Variants in SRRM3 observed in about 807,000 individuals in gnomAD.
SRRM3 encodes serine/arginine repetitive matrix protein 3.
Under a neutral mutation model 66.2 loss-of-function variants are expected in SRRM3, and 27 were observed. The observed-to-expected ratio is 0.41, with a 90% CI of 0.30 to 0.56. The LOEUF (loss-of-function observed/expected upper bound fraction) is 0.56. Ranked by LOEUF, SRRM3 falls within the 20% of genes least tolerant of loss-of-function variation. The pLI, the probability that SRRM3 is intolerant of heterozygous loss-of-function variation, is 0.32. For missense variants in SRRM3, 918 were observed against 991.9 expected, an observed-to-expected ratio of 0.93 and a Z score of 1.00; for synonymous variants, 391 against 414.9, an observed-to-expected ratio of 0.94 and a Z score of 0.70.
At chr7:76,251,995 C>T (rs1440506899) in intron 3 of SRRM3, among the ~76,000 whole-genome samples, 2 of 152,076 alleles carry the variant, frequency 1.3e-5, no homozygotes, top group African/African-American at 4.8e-5. Flanking sequence ...TTCTTGAACC[C>T]AGGAGGTGGA....
chr7:76,251,376 CTT>C (rs782717745), intron 3 of SRRM3, among the ~76,000 whole-genome samples: 19 of 142,354 alleles, frequency 1.3e-4, no homozygotes, highest in Non-Finnish European at 1.4e-4. Flanking sequence ...CCCAGCAGCA[CTT>C]TTTTTTTTTT....
chr7:76,283,883 C>A, intron 14 of SRRM3: 1 of 974,626 alleles, frequency 1.0e-6, no homozygotes, highest in Non-Finnish European at 1.2e-6. Context: ...CCCTAGATTA[C>A]CCTGGCAGGG....
At chr7:76,270,547 C>G (rs1802182319) in intron 11 of SRRM3, among the ~76,000 whole-genome samples, 1 of 152,020 alleles carries the variant, frequency 6.6e-6, no homozygotes, top group Admixed American at 6.6e-5. Flanking sequence ...CATGGTGGCT[C>G]ACACCTGTAA....
At chr7:76,275,758 T>A (rs547799150) in intron 11 of SRRM3, among the ~76,000 whole-genome samples, 1 of 152,122 alleles carries the variant, frequency 6.6e-6, no homozygotes, top group South Asian at 2.1e-4. Context: ...TTCCACCATC[T>A]TTTCCACTTG....
intron 8 of SRRM3, among the ~76,000 whole-genome samples, chr7:76,262,871 G>C (rs1801917610): frequency 6.6e-6 from 1 of 152,020 alleles, no homozygotes; most frequent in Non-Finnish European, 1.5e-5. Flanking sequence ...GAAGGGAAAA[G>C]GGAAAGGAGA....
intron 1 of SRRM3, among the ~76,000 whole-genome samples, chr7:76,225,188 G>C (rs979001499): frequency 5.3e-5 from 8 of 152,188 alleles, no homozygotes; most frequent in Non-Finnish European, 1.2e-4. Context: ...AAGTAGTGGA[G>C]CCAGAATTTA....
At chr7:76,264,980 C>T (rs542752571) in intron 9 of SRRM3, among the ~76,000 whole-genome samples, 165 bp downstream of exon 9, 2 of 152,082 alleles carry the variant, frequency 1.3e-5, no homozygotes, top group African/African-American at 4.8e-5. Flanking sequence ...TGAGTCAGAG[C>T]TTGAACCAAA....
chr7:76,228,295 T>G (rs1554603915), intron 1 of SRRM3, among the ~76,000 whole-genome samples: 1 of 152,178 alleles, frequency 6.6e-6, no homozygotes, highest in Non-Finnish European at 1.5e-5. Flanking sequence ...TGGGGCTCTG[T>G]TTTGCAGATT....
At chr7:76,253,349 C>T (rs1360897526) in intron 3 of SRRM3, among the ~76,000 whole-genome samples, 2 of 151,782 alleles carry the variant, frequency 1.3e-5, no homozygotes, top group African/African-American at 2.4e-5. Context: ...AGGCTGGGCA[C>T]GGTGGCTCAA....
chr7:76,235,658 G>A (rs1183173996), intron 2 of SRRM3, among the ~76,000 whole-genome samples: 1 of 151,840 alleles, frequency 6.6e-6, no homozygotes, highest in Non-Finnish European at 1.5e-5. Context: ...TTGAGGTCAG[G>A]AATTCGAGAT....
intron 10 of SRRM3, among the ~76,000 whole-genome samples, chr7:76,266,604 TTTAA>T (rs1425595489): frequency 2.4e-5 from 3 of 126,648 alleles, no homozygotes; most frequent in Non-Finnish European, 4.7e-5. Context: ...TATATTTATA[TTTAA>T]TTATGTTATA....
intron 11 of SRRM3, among the ~76,000 whole-genome samples, chr7:76,277,078 A>G (rs1384397464): frequency 1.3e-5 from 2 of 152,172 alleles, no homozygotes; most frequent in Non-Finnish European, 2.9e-5. Flanking sequence ...AGTGACTATC[A>G]TCTTGGGCCA....
chr7:76,251,906 A>C (rs1801590922), intron 3 of SRRM3, among the ~76,000 whole-genome samples: 1 of 152,054 alleles, frequency 6.6e-6, no homozygotes, highest in East Asian at 1.9e-4. Flanking sequence ...TCTACTAAAA[A>C]TACAAAAAAT....
At chr7:76,229,742 T>C (rs1277475257) in intron 1 of SRRM3, among the ~76,000 whole-genome samples, 1 of 117,626 alleles carries the variant, frequency 8.5e-6, no homozygotes, top group Non-Finnish European at 1.6e-5. Flanking sequence ...CTTCTTCTTC[T>C]TTTTTTTTTT....
intron 2 of SRRM3, among the ~76,000 whole-genome samples, chr7:76,245,621 AATT>A (rs1554606085): frequency 6.6e-6 from 1 of 152,178 alleles, no homozygotes; most frequent in Non-Finnish European, 1.5e-5. Flanking sequence ...AAAAATATAC[AATT>A]ATTCACTGTA....
At chr7:76,253,691 C>G (rs1801636926) in intron 3 of SRRM3, among the ~76,000 whole-genome samples, 1 of 150,846 alleles carries the variant, frequency 6.6e-6, no homozygotes, top group Admixed American at 6.6e-5. Flanking sequence ...TGGCACAGGC[C>G]TGTCATCCTA....
intron 7 of SRRM3, 64 bp downstream of exon 7, chr7:76,261,478 T>C (rs1448878252): frequency 1.9e-5 from 30 of 1,598,736 alleles, no homozygotes; most frequent in Non-Finnish European, 2.6e-5. Context: ...GCCAGGGCTG[T>C]GGCCCTCCAT....
At chr7:76,278,803 G>A (rs1802426330) in intron 11 of SRRM3, among the ~76,000 whole-genome samples, 1 of 152,202 alleles carries the variant, frequency 6.6e-6, no homozygotes, top group Admixed American at 6.5e-5. Flanking sequence ...CTACCTCCAT[G>A]TTCAGCTCAG....
chr7:76,220,581 C>T (rs1306376849), intron 1 of SRRM3, among the ~76,000 whole-genome samples: 5 of 152,230 alleles, frequency 3.3e-5, no homozygotes, highest in African/African-American at 1.2e-4. Context: ...AGCCCAGCCA[C>T]CTCCATTGCC....
Sources: allele counts gnomAD v4.1 joint callset (sites outside exome capture counted in the v4.1 genomes callset), GRCh38; gene constraint gnomAD v4.1.1; transcripts MANE v1.5; gene names NCBI Gene and HGNC (gene_info 2026-07-23, HGNC 2026-07-21).